The following SLC10A7 variants were observed in gnomAD, a reference collection of about 807,000 sequenced individuals.
SLC10A7 encodes solute carrier family 10 member 7.
A neutral mutation model predicts 43.2 loss-of-function variants in SLC10A7; 29 were observed. The observed-to-expected ratio is 0.67, with a 90% CI of 0.50 to 0.92. The LOEUF (loss-of-function observed/expected upper bound fraction) is 0.92. Ranked by LOEUF, SLC10A7 falls within the 40% of genes least tolerant of loss-of-function variation. SLC10A7 has a pLI of 0.00. For synonymous variants in SLC10A7, 152 were observed against 144.8 expected, an observed-to-expected ratio of 1.05 and a Z score of -0.35; for missense variants, 295 against 403.2, an observed-to-expected ratio of 0.73 and a Z score of 2.30.
intron 5 of SLC10A7, among the ~76,000 whole-genome samples, chr4:146,411,102 T>A (rs994300188): frequency 2.6e-5 from 4 of 152,144 alleles, no homozygotes; most frequent in Non-Finnish European, 5.9e-5. Flanking sequence ...CCCAAAGTAC[T>A]GGGATTACAG....
At chr4:146,482,125 A>G (rs977622787) in intron 4 of SLC10A7, among the ~76,000 whole-genome samples, 1 of 152,162 alleles carries the variant, frequency 6.6e-6, no homozygotes, top group African/African-American at 2.4e-5. Flanking sequence ...TCTTCCCCCA[A>G]TGAAAGCCAC....
chr4:146,325,220 G>T, intron 6 of SLC10A7, among the ~76,000 whole-genome samples: 1 of 152,196 alleles, frequency 6.6e-6, no homozygotes, highest in South Asian at 2.1e-4. Context: ...TGGAAGATGT[G>T]TGTATGAAAA....
chr4:146,335,876 C>A (rs1733862350), intron 5 of SLC10A7, among the ~76,000 whole-genome samples: 1 of 151,998 alleles, frequency 6.6e-6, no homozygotes, highest in South Asian at 2.1e-4. Context: ...GGTGAATCTG[C>A]TAAATATCTT....
At chr4:146,390,317 G>T (rs1210865562) in intron 5 of SLC10A7, among the ~76,000 whole-genome samples, 1 of 152,060 alleles carries the variant, frequency 6.6e-6, no homozygotes, top group Non-Finnish European at 1.5e-5. Context: ...TTTGAAGGAG[G>T]ATACAGAATA....
chr4:146,480,879 G>C (rs995866036), intron 4 of SLC10A7, among the ~76,000 whole-genome samples: 9 of 152,006 alleles, frequency 5.9e-5, no homozygotes, highest in Admixed American at 3.9e-4. Context: ...ATAAGCAACT[G>C]CATATTTACC....
Position 146,410,441 on chromosome 4 carries a change from T to G in SLC10A7, c.435+32342A>C, listed in dbSNP as rs76935434. ...AGGCAGGATTTTAGGCAAGGAAAGC[T>G]ACTGCTCTAATAAAAAGGAAAGTAG... On this transcript the variant is annotated intron_variant, in intron 5 of 11. Coordinates refer to ENST00000335472, the MANE Select transcript of SLC10A7 (RefSeq NM_001029998.6). 1.2e-3 allele frequency among the ~76,000 whole-genome samples: 179 copies of G among 152,322 alleles called. 1 individual carries two copies. The East Asian group carries it at 0.021, about 18-fold the overall frequency.
intron 5 of SLC10A7, among the ~76,000 whole-genome samples, chr4:146,368,019 T>A (rs1428045306): frequency 6.6e-6 from 1 of 152,146 alleles, no homozygotes; most frequent in Non-Finnish European, 1.5e-5. Flanking sequence ...AAACTTTCCT[T>A]AAGTTTTGGA....
intron 4 of SLC10A7, among the ~76,000 whole-genome samples, chr4:146,455,498 C>G (rs996835310): frequency 1.3e-5 from 2 of 151,904 alleles, no homozygotes; most frequent in Non-Finnish European, 2.9e-5. Flanking sequence ...TTTCTTAACT[C>G]TGTTATTTCT....
intron 4 of SLC10A7, among the ~76,000 whole-genome samples, chr4:146,463,616 C>T (rs1228951519): frequency 1.3e-5 from 2 of 151,916 alleles, no homozygotes; most frequent in East Asian, 1.9e-4. Context: ...TGGCACATGC[C>T]TGTATGCCCA....
intron 4 of SLC10A7, among the ~76,000 whole-genome samples, chr4:146,473,889 T>C (rs1733809516): frequency 6.6e-6 from 1 of 152,142 alleles, no homozygotes; most frequent in Admixed American, 6.6e-5. Flanking sequence ...ATATACATTC[T>C]AATAATTAAC....
chr4:146,489,206 C>T (rs1367325302), intron 4 of SLC10A7, among the ~76,000 whole-genome samples: 1 of 152,146 alleles, frequency 6.6e-6, no homozygotes, highest in Admixed American at 6.5e-5. Flanking sequence ...CTGAACACAG[C>T]CTTTATTTTT....
chr4:146,384,008 G>A, intron 5 of SLC10A7, among the ~76,000 whole-genome samples: 1 of 152,050 alleles, frequency 6.6e-6, no homozygotes, highest in East Asian at 1.9e-4. Context: ...CAAACACTCT[G>A]GGTCTCAGTT....
intron 9 of SLC10A7, among the ~76,000 whole-genome samples, chr4:146,284,476 C>T (rs1578781552): frequency 6.6e-6 from 1 of 152,214 alleles, no homozygotes; most frequent in East Asian, 1.9e-4. Flanking sequence ...CCCATCACCC[C>T]ACCCTGCTTC....
intron 5 of SLC10A7, among the ~76,000 whole-genome samples, chr4:146,328,422 C>G (rs1299087846): frequency 3.9e-5 from 6 of 152,206 alleles, no homozygotes; most frequent in Non-Finnish European, 8.8e-5. Flanking sequence ...ATTCCAGGGC[C>G]TGGGAATTAA....
At position 146,374,641 on chromosome 4, in the gene SLC10A7, C is replaced by CACACAG. The variant is rs1211457262; in HGVS notation, c.436-48646_436-48645insCTGTGT. Among the ~76,000 whole-genome samples, 1,362 of 142,886 alleles carry CACACAG rather than the reference C, an allele frequency of 9.5e-3. 19 individuals are homozygous for CACACAG. Among genetic ancestry groups the CACACAG allele is most frequent in the African/African-American group, 0.033 (1,267 of 38,076 alleles). The allele number at this position is 142,886 out of a possible 152,430, so 93.7% of individuals were successfully genotyped here. A position where few individuals can be genotyped will look rare whatever the true frequency, so the allele number is the denominator to read the frequency against. On this transcript the variant is annotated intron_variant, in intron 5 of 11. Transcript: ENST00000335472. ...ACATACACACACACACACACACACA[C>CACACAG]ACACACACACACACACACACATATA...
chr4:146,257,067 T>C, intron 11 of SLC10A7: 1 of 641,296 alleles, frequency 1.6e-6, no homozygotes, highest in East Asian at 2.7e-5. Context: ...TAATTTGCTG[T>C]TCACTATGGC....
chr4:146,443,266 A>G (rs1489691306), intron 4 of SLC10A7, among the ~76,000 whole-genome samples: 1 of 152,184 alleles, frequency 6.6e-6, no homozygotes, highest in Non-Finnish European at 1.5e-5. Context: ...CTACAATCAC[A>G]AGGTAAGATC....
At chr4:146,429,868 G>C (rs1024614988) in intron 5 of SLC10A7, among the ~76,000 whole-genome samples, 1 of 151,742 alleles carries the variant, frequency 6.6e-6, no homozygotes, top group Non-Finnish European at 1.5e-5. Flanking sequence ...TAAGTATAAA[G>C]GCAATGAAAA....
intron 5 of SLC10A7, among the ~76,000 whole-genome samples, chr4:146,403,672 C>G (rs1739375288): frequency 1.3e-5 from 2 of 151,984 alleles, no homozygotes; most frequent in South Asian, 4.1e-4. Context: ...TGGAACTGAT[C>G]CAAAAAGAGC....
Sources: allele counts gnomAD v4.1 joint callset (sites outside exome capture counted in the v4.1 genomes callset), GRCh38; gene constraint gnomAD v4.1.1; transcripts MANE v1.5; gene names NCBI Gene and HGNC (gene_info 2026-07-23, HGNC 2026-07-21).